SLC25A23: variants seen among roughly 807,000 people sequenced by gnomAD.
SLC25A23 encodes mitochondrial adenyl nucleotide antiporter SLC25A23.
Under a neutral mutation model 53.9 loss-of-function variants are expected in SLC25A23, and 32 were observed. That is an observed-to-expected ratio of 0.59 (90% CI 0.45 to 0.80). The LOEUF (loss-of-function observed/expected upper bound fraction) is 0.80. SLC25A23 is among the 30% of genes least tolerant of loss of function. The pLI is 0.00. For synonymous variants in SLC25A23, 275 were observed against 264.5 expected (o/e 1.04, Z -0.38); for missense variants, 575 against 651.4 (o/e 0.88, Z 1.28).
intron 9 of SLC25A23, 36 bp downstream of exon 9, chr19:6,444,115 G>C (rs1202178022): frequency 2.8e-5 from 42 of 1,505,110 alleles, no homozygotes; most frequent in Non-Finnish European, 3.8e-5. Context: ...CAAGCGATGA[G>C]ACTCCCCCTG....
chr19:6,454,268 T>G lies in SLC25A23; in HGVS notation c.795+55A>C. 6.4e-7 allele frequency: 1 copy of G among 1,573,424 alleles called. No homozygotes were observed. Among genetic ancestry groups the G allele is most frequent in the African/African-American group, 1.3e-5 (1 of 74,140 alleles). On this transcript the variant is annotated intron_variant, in intron 6 of 9. Coordinates refer to ENST00000301454, the MANE Select transcript of SLC25A23 (RefSeq NM_024103.3). This position sits in a 1 kb window ranked among gnomAD's most constrained non-coding sequence, Gnocchi z 4.3. ...CCCAAGCCAATCCCGTAAATCTTTA[T>G]GTACAGCCCAGTCTTCCCTATGGCA...
chr19:6,455,924 T>C (rs1370003658), intron 4 of SLC25A23: 2 of 877,374 alleles, frequency 2.3e-6, no homozygotes, highest in Non-Finnish European at 3.2e-6. Flanking sequence ...TTTCACCATG[T>C]TAGCCAGGAT....
chr19:6,443,459 C>T (rs2092454710), intron 9 of SLC25A23: 2 of 581,998 alleles, frequency 3.4e-6, no homozygotes, highest in Non-Finnish European at 6.1e-6. Flanking sequence ...AACTCCTGGA[C>T]TCAAATGATC....
chr19:6,448,260 T>C (rs1349790836), intron 8 of SLC25A23, among the ~76,000 whole-genome samples: 1 of 152,210 alleles, frequency 6.6e-6, no homozygotes, highest in Non-Finnish European at 1.5e-5. Context: ...CAGGACTCAG[T>C]GCTGTGATGG....
intron 8 of SLC25A23, among the ~76,000 whole-genome samples, chr19:6,448,296 G>C (rs1197783044): frequency 6.6e-6 from 1 of 152,226 alleles, no homozygotes; most frequent in Non-Finnish European, 1.5e-5. Context: ...CCCAGGCACA[G>C]ACTGGGTAAA....
At chr19:6,452,746 G>A in intron 7 of SLC25A23, 1 of 369,330 alleles carries the variant, frequency 2.7e-6, no homozygotes, top group Admixed American at 4.7e-5. Context: ...TAGAGATGGG[G>A]ACTCGCTACT....
At chr19:6,449,857 CTTTTTTTTTTTT>C (rs142681286) in intron 8 of SLC25A23, among the ~76,000 whole-genome samples, 54,546 of 127,354 alleles carry the variant, frequency 0.43, 12,542 homozygotes, top group Non-Finnish European at 0.52. Context: ...ACTCACAACT[CTTTTTTTTTTTT>C]TTTTTTTTTT....
chr19:6,454,726 A>G lies in SLC25A23; in HGVS notation c.484-9T>C. The G allele has an allele frequency of 6.2e-7, 1 of 1,613,446 alleles. No homozygotes were observed. Among genetic ancestry groups the G allele is most frequent in the East Asian group, 2.2e-5 (1 of 44,884 alleles). ...TCGCCAATGTCCAGGACCTAAAGATACAGGTGTTGGGGGTGTCATGCCATG... is the reference window on the plus strand; with the variant it reads ...TCGCCAATGTCCAGGACCTAAAGATGCAGGTGTTGGGGGTGTCATGCCATG... On this transcript the variant is annotated splice_polypyrimidine_tract_variant and intron_variant, in intron 4 of 9. Transcript: ENST00000301454. The surrounding 1 kb of genome is among the most constrained non-coding windows in gnomAD (Gnocchi z 4.3).
intron 8 of SLC25A23, among the ~76,000 whole-genome samples, chr19:6,449,431 T>C (rs1291912047): frequency 1.3e-5 from 2 of 151,468 alleles, no homozygotes; most frequent in Admixed American, 6.6e-5. Context: ...TTTTTTTTTT[T>C]TGAGACAGAG....
chr19:6,445,191 C>A (rs2092485311), intron 8 of SLC25A23, among the ~76,000 whole-genome samples: 1 of 151,118 alleles, frequency 6.6e-6, no homozygotes, highest in Non-Finnish European at 1.5e-5. Flanking sequence ...CTGACTGCAA[C>A]CTCCGCCTCC....
intron 7 of SLC25A23, among the ~76,000 whole-genome samples, chr19:6,453,751 T>TTTG (rs1200796704): frequency 2.6e-5 from 4 of 152,194 alleles, no homozygotes; most frequent in African/African-American, 9.6e-5. Context: ...CTGGCTCCTA[T>TTTG]GACTACCATC....
intron 8 of SLC25A23, among the ~76,000 whole-genome samples, chr19:6,450,908 T>A (rs2092578130): frequency 6.6e-6 from 1 of 151,532 alleles, no homozygotes; most frequent in South Asian, 2.1e-4. Flanking sequence ...GGTGAAACCC[T>A]GTCTACTAAA....
chr19:6,439,339 C>T (rs1048675311), downstream of SLC25A23, among the ~76,000 whole-genome samples: 11 of 150,668 alleles, frequency 7.3e-5, no homozygotes, highest in African/African-American at 1.5e-4. Context: ...CAGTCAGGTA[C>T]GATTGTACCA....
intron 7 of SLC25A23, 64 bp from the exon 8 acceptor site, chr19:6,452,543 GAC>G: frequency 1.3e-6 from 2 of 1,535,814 alleles, no homozygotes; most frequent in Middle Eastern, 1.7e-4. Context: ...CAGGAATGAA[GAC>G]ACCTAGAAAT....
chr19:6,441,730 G>T lies in SLC25A23; in HGVS notation c.*245C>A, dbSNP rs2092423353. The T allele has an allele frequency of 3.6e-6, 2 of 548,344 alleles. No homozygotes were observed. Among genetic ancestry groups the T allele is most frequent in the South Asian group, 2.0e-5 (1 of 49,288 alleles). 34.0% of individuals were successfully genotyped at this position (548,344 alleles called of 1,614,324 possible). A position where few individuals can be genotyped will look rare whatever the true frequency, so the allele number is the denominator to read the frequency against. The stretch of plus-strand genomic sequence containing the variant: ...GGATCCACAGTTATGGTTACAGGGG[G>T]ATCTGGGATCTAGTGGCTGAAGGGT... On this transcript the variant is annotated 3_prime_UTR_variant, in exon 10 of 10. Transcript: ENST00000301454.
chr19:6,459,484 CG>C lies in SLC25A23; in HGVS notation c.144del (p.Gly49AlafsTer83). ...LARLGGGNPD[P>X]GAQQGISSEG... ...GGGGGTGGGGGTACCTGTTGGGCGCCGGGGTCTGGGTTGCCCCCGCCCAGCC... is the reference window on the plus strand; with the variant it reads ...GGGGGTGGGGGTACCTGTTGGGCGCCGGGTCTGGGTTGCCCCCGCCCAGCC... On this transcript the variant is annotated frameshift_variant, in exon 1 of 10. Transcript: ENST00000301454. LOFTEE classifies it high-confidence loss of function. The surrounding 1 kb of genome is among the most constrained non-coding windows in gnomAD (Gnocchi z 4.6). 6.3e-7 allele frequency: 1 copy of C among 1,589,536 alleles called. No individual in the cohort carries two copies. Among genetic ancestry groups the C allele is most frequent in the Non-Finnish European group, 8.5e-7 (1 of 1,174,536 alleles).
chr19:6,455,190 T>C (rs1599339815), intron 4 of SLC25A23, among the ~76,000 whole-genome samples: 2 of 152,214 alleles, frequency 1.3e-5, no homozygotes, highest in East Asian at 3.9e-4. Context: ...GAGGATTGCT[T>C]GAGCCCAGGA....
intron 8 of SLC25A23, among the ~76,000 whole-genome samples, chr19:6,446,271 G>A (rs1000894805): frequency 6.6e-6 from 1 of 151,554 alleles, no homozygotes; most frequent in Admixed American, 6.6e-5. Flanking sequence ...GCTGAGGCAG[G>A]AGAATCGCCT....
chr19:6,455,750 C>T (rs1030561652), intron 4 of SLC25A23, among the ~76,000 whole-genome samples: 1 of 128,068 alleles, frequency 7.8e-6, no homozygotes, highest in Non-Finnish European at 1.5e-5. Context: ...CGGAGTGTGG[C>T]TCTGTCACCC....
Sources: allele counts gnomAD v4.1 joint callset (sites outside exome capture counted in the v4.1 genomes callset), GRCh38; gene constraint gnomAD v4.1.1; non-coding constraint Gnocchi (gnomAD v3.1); transcripts MANE v1.5; gene names NCBI Gene and HGNC (gene_info 2026-07-23, HGNC 2026-07-21).